Variants in TMC4 observed in about 807,000 individuals in gnomAD.
TMC4 encodes the protein voltage-gated chloride channel TMC4.
TMC4 carries 70 observed loss-of-function variants against 82.0 expected under a neutral mutation model. That is an observed-to-expected ratio of 0.85 (90% CI 0.70 to 1.04). The LOEUF (loss-of-function observed/expected upper bound fraction) is 1.04, where lower values mean the gene tolerates loss of function less well. Among genes scored for constraint, TMC4 ranks in the 50% least tolerant of loss-of-function variants. The pLI is 0.00. For synonymous variants in TMC4, 446 were observed against 406.0 expected (o/e 1.10, Z -1.18); for missense variants, 879 against 899.0 (o/e 0.98, Z 0.28).
Position 54,161,030 on chromosome 19 carries a change from G to C in TMC4, c.1821C>G (p.Ile607Met). ...ATGGACCACACAGCTTAGAAGGCGG[G>C]ATCCTGAAGTCAAGACAGGCTGGGC... Reference protein sequence around the residue: ...SVPLLYSIFLIPPSKLCGPFR... With the variant: ...SVPLLYSIFLMPPSKLCGPFR... The change falls in exon 13 of 15, where the codon ATC (isoleucine) becomes ATG (methionine). Residue 607 changes from isoleucine (I) to methionine (M), a missense_variant. By Grantham distance (10) the Ile-to-Met change is conservative. Coordinates refer to ENST00000619895, the MANE Select transcript of TMC4 (RefSeq NM_144686.4). The C allele has an allele frequency of 1.2e-6, 2 of 1,614,138 alleles. No individual in the cohort carries two copies. Among genetic ancestry groups the C allele is most frequent in the Non-Finnish European group, 1.7e-6 (2 of 1,180,022 alleles).
intron 1 of TMC4, 189 bp downstream of exon 1, chr19:54,172,850 C>A: frequency 1.7e-6 from 1 of 587,362 alleles, no homozygotes; most frequent in East Asian, 3.0e-5. Flanking sequence ...GCCTGGTTCT[C>A]CAGGCTCCTC....
chr19:54,168,293 C>A lies in TMC4; in HGVS notation c.676-1G>T. 6.4e-7 allele frequency: 1 copy of A among 1,551,698 alleles called. No homozygotes were observed. Among genetic ancestry groups the A allele is most frequent in the Non-Finnish European group, 8.7e-7 (1 of 1,147,196 alleles). On this transcript the variant is annotated splice_acceptor_variant, in intron 4 of 14. Coordinates refer to ENST00000619895, the MANE Select transcript of TMC4 (RefSeq NM_144686.4). LOFTEE classifies it high-confidence loss of function. ...AGAGAGGGGACCATTCCAGGTAACC[C>A]TGTGGGGGGAAGGCGGCGCAGGGGC...
In TMC4 at chr19:54,168,804, TTTCTTTTCTTTTC is replaced by T. The variant is rs2075779352; in HGVS notation, c.443-137_443-125del. The T allele has an allele frequency of 7.0e-5, 5 of 71,778 alleles. 2 individuals are homozygous for T. In the African/African-American group the frequency reaches 1.5e-3, roughly 21 times the overall value. 4.4% of individuals were successfully genotyped at this position (71,778 alleles called of 1,614,324 possible). A position where few individuals can be genotyped will look rare whatever the true frequency, so the allele number is the denominator to read the frequency against. On this transcript the variant is annotated intron_variant, in intron 3 of 14. Coordinates refer to ENST00000619895, the MANE Select transcript of TMC4 (RefSeq NM_144686.4). ...CTTTCTTTTCTTTTCTTTCTTTTCT[TTTCTTTTCTTTTC>T]TTTTCTTTTCTTTTCTTTTCTTTTC...
rs1330072384 is a variant in TMC4 at position 54,169,015 on chromosome 19, T to A, written c.443-335A>T. Among the ~76,000 whole-genome samples, 17 of 20,782 alleles carry A rather than the reference T, an allele frequency of 8.2e-4. 6 individuals are homozygous for A. Among genetic ancestry groups the A allele is most frequent in the Non-Finnish European group, 1.4e-3 (16 of 11,038 alleles). The allele number at this position is 20,782 out of a possible 152,430, so 13.6% of individuals were successfully genotyped here. Reference sequence around the variant, plus strand: ...CTCTCTATATATATATATATATTTTTTTTTTTTTCTTTTCTTTTCTTTTCT... The same window carrying A: ...CTCTCTATATATATATATATATTTTATTTTTTTTCTTTTCTTTTCTTTTCT... On this transcript the variant is annotated intron_variant, in intron 3 of 14. Coordinates refer to ENST00000619895, the MANE Select transcript of TMC4 (RefSeq NM_144686.4).
At chr19:54,169,737 A>G in intron 2 of TMC4, 77 bp from the exon 3 acceptor site, 1 of 1,562,560 alleles carries the variant, frequency 6.4e-7, no homozygotes, top group Non-Finnish European at 8.6e-7. Flanking sequence ...ACACAATCCA[A>G]CAGTAGAATG....
At position 54,169,554 on chromosome 19, in the gene TMC4, G is replaced by T. The variant is rs780366805; in HGVS notation, c.400C>A (p.Arg134=). Residue 134 remains arginine (R), a synonymous_variant, in exon 3 of 15, where the codon CGA becomes AGA. Transcript: ENST00000619895. ...RSKEKTKEGL[R]SLQPWAWTLK... is the part of the protein sequence containing the mutation. ...GTCCACGCCCAGGGCTGCAGGCTTC[G>T]CAAGCCTTCCTTTGTTTTCTCCTTG... is the stretch of plus-strand genomic sequence containing the variant. 4 of 1,613,560 alleles carry T rather than the reference G, an allele frequency of 2.5e-6. No individual in the cohort carries two copies. The highest frequency in any genetic ancestry group is 3.4e-6 in the Non-Finnish European group (4 of 1,179,982).
At chr19:54,164,748 C>T in intron 6 of TMC4, 147 bp from the exon 7 acceptor site, 1 of 1,083,398 alleles carries the variant, frequency 9.2e-7, no homozygotes, top group Non-Finnish European at 1.3e-6. Context: ...AGTCCTGGTT[C>T]CACCTGCTCC....
In TMC4 at chr19:54,172,049, G is replaced by A; in HGVS notation, c.114C>T (p.Pro38=). Residue 38 remains proline (P), a synonymous_variant, in exon 2 of 15, where the codon CCC becomes CCT. Transcript: ENST00000619895. ...CTCGGTACCGAAGGGTGGCAGCACT[G>A]GGCAGCTCGTTCAGCACAGAAGACA... ...PSLSSVLNEL[P]SAATLRYRDP... is the part of the protein sequence containing the mutation. 6.2e-7 allele frequency: 1 copy of A among 1,611,894 alleles called. No individual in the cohort carries two copies. The highest frequency in any genetic ancestry group is 1.7e-4 in the Middle Eastern group (1 of 6,046).
rs1188843936 is a variant in TMC4 at position 54,163,345 on chromosome 19, C to CT, written c.1278-187dup. ...TTTTTTTTTGAGACAGGGTCTCACT[C>CT]TGTCACCCGGACTGGAGTGCAGTGG... On this transcript the variant is annotated intron_variant, in intron 8 of 14. Coordinates refer to ENST00000619895, the MANE Select transcript of TMC4 (RefSeq NM_144686.4). 13 of 781,340 alleles carry CT rather than the reference C, an allele frequency of 1.7e-5. No individual in the cohort carries two copies. The South Asian group carries it at 2.3e-4, about 14-fold the overall frequency. The allele number at this position is 781,340 out of a possible 1,614,324, so 48.4% of individuals were successfully genotyped here.
chr19:54,168,514 G>C lies in TMC4; in HGVS notation c.609C>G (p.Ser203=), dbSNP rs1183745748. The change falls in exon 4 of 15, where the codon TCC becomes TCG. Residue 203 remains serine (S), a synonymous_variant. Transcript: ENST00000619895. ...CCAGGCCCTGGGAGTGGGGGTTATA[G>C]GAGCCGCAGGGCGAGGAGATGTCGG... is the stretch of plus-strand genomic sequence containing the variant. ...PGPDISSPCG[S]YNPHSQGLVT... 17 of 1,549,314 alleles carry C rather than the reference G, an allele frequency of 1.1e-5. No individual in the cohort carries two copies. The highest frequency in any genetic ancestry group is 1.4e-5 in the Non-Finnish European group (16 of 1,146,870).
At chr19:54,171,062 C>CACATATGCAT (rs2075870612) in intron 2 of TMC4, among the ~76,000 whole-genome samples, 1 of 149,674 alleles carries the variant, frequency 6.7e-6, no homozygotes, top group African/African-American at 2.5e-5. Context: ...TATATATACA[C>CACATATGCAT]ATATATATAC....
chr19:54,171,115 G>A (rs28645363), intron 2 of TMC4, among the ~76,000 whole-genome samples: 3 of 25,512 alleles, frequency 1.2e-4, no homozygotes, highest in East Asian at 1.7e-3. Flanking sequence ...ATATATATAC[G>A]CATATATATT....
intron 5 of TMC4, 145 bp downstream of exon 5, chr19:54,168,026 A>G (rs1372165837): frequency 1.8e-5 from 18 of 1,019,156 alleles, no homozygotes; most frequent in East Asian, 1.3e-4. Context: ...TTGCGCCACT[A>G]CACTCTAGCC....
intron 3 of TMC4, among the ~76,000 whole-genome samples, chr19:54,169,193 T>C (rs1363101696): frequency 1.3e-5 from 2 of 149,890 alleles, no homozygotes; most frequent in Admixed American, 6.7e-5. Context: ...GCCACCATGC[T>C]CAGCTAGTTT....
At chr19:54,166,932 G>T (rs1018439819) in intron 5 of TMC4, among the ~76,000 whole-genome samples, 2 of 151,092 alleles carry the variant, frequency 1.3e-5, no homozygotes, top group African/African-American at 2.4e-5. Flanking sequence ...TAGCCTGGGT[G>T]ACAGAGCGAG....
At chr19:54,169,404 G>C (rs553210461) in intron 3 of TMC4, 108 bp downstream of exon 3, 2 of 1,431,692 alleles carry the variant, frequency 1.4e-6, no homozygotes, top group Admixed American at 2.4e-5. Context: ...AAAAATCCAG[G>C]CCCAAGCCCC....
At chr19:54,163,561 G>A in intron 8 of TMC4, 163 bp downstream of exon 8, 2 of 844,090 alleles carry the variant, frequency 2.4e-6, no homozygotes, top group Non-Finnish European at 3.9e-6. Context: ...CTCCCAAAGT[G>A]CTGGGATTAC....
At chr19:54,162,467 G>A (rs2075588030) in intron 10 of TMC4, among the ~76,000 whole-genome samples, 182 bp from the exon 11 acceptor site, 2 of 151,332 alleles carry the variant, frequency 1.3e-5, no homozygotes, top group South Asian at 2.1e-4. Flanking sequence ...GGACTAGAAG[G>A]GACCCAGATG....
chr19:54,163,564 G>A (rs1600559592), intron 8 of TMC4, 160 bp downstream of exon 8: 1 of 868,302 alleles, frequency 1.2e-6, no homozygotes, highest in Non-Finnish European at 1.9e-6. Context: ...CCAAAGTGCT[G>A]GGATTACAGG....
Sources: gnomAD v4.1 joint callset for allele counts (sites outside exome capture counted in the v4.1 genomes callset) on GRCh38, gnomAD v4.1.1 for gene constraint, MANE v1.5 for transcripts, NCBI Gene and HGNC (gene_info 2026-07-23, HGNC 2026-07-21) for gene names.